The following RBMS3 variants were observed in gnomAD, a reference collection of about 807,000 sequenced individuals.
RBMS3 encodes RNA-binding motif, single-stranded-interacting protein 3.
In RBMS3, 27 loss-of-function variants were observed where a neutral mutation model predicts 66.8. The ratio of observed to expected loss-of-function variants is 0.40; its 90% CI spans 0.30 to 0.56. The LOEUF is 0.56. Among genes scored for constraint, RBMS3 ranks in the 20% least tolerant of loss-of-function variants. RBMS3 has a pLI of 0.40. For synonymous variants in RBMS3, 188 were observed against 183.0 expected, an observed-to-expected ratio of 1.03 and a Z score of -0.22; for missense variants, 513 against 549.5, an observed-to-expected ratio of 0.93 and a Z score of 0.66.
At chr3:29,898,540 A>G (rs1449691907) in intron 9 of RBMS3, among the ~76,000 whole-genome samples, 2 of 151,674 alleles carry the variant, frequency 1.3e-5, no homozygotes, top group Non-Finnish European at 3.0e-5. Flanking sequence ...TTCCCCCCAA[A>G]GCAGATCATT....
intron 3 of RBMS3, among the ~76,000 whole-genome samples, chr3:29,556,138 C>G (rs112386989): frequency 1.3e-5 from 2 of 149,758 alleles, no homozygotes; most frequent in African/African-American, 4.9e-5. Context: ...AAAAAAAAAG[C>G]TTATATCCAG....
intron 3 of RBMS3, among the ~76,000 whole-genome samples, chr3:29,569,334 G>T (rs1576253837): frequency 2.0e-5 from 3 of 151,972 alleles, no homozygotes; most frequent in South Asian, 4.2e-4. Context: ...TGAACCTCCA[G>T]CAATTTAAAG....
intron 2 of RBMS3, among the ~76,000 whole-genome samples, chr3:29,467,970 TC>T (rs1030663776): frequency 3.9e-5 from 6 of 152,200 alleles, no homozygotes; most frequent in African/African-American, 1.4e-4. Flanking sequence ...AGAACTTTTT[TC>T]TTGGTAGAGG....
At chr3:29,684,875 T>C (rs2051649568) in intron 4 of RBMS3, among the ~76,000 whole-genome samples, 2 of 152,184 alleles carry the variant, frequency 1.3e-5, no homozygotes, top group African/African-American at 4.8e-5. Flanking sequence ...TAACATTTTT[T>C]CCCTTTAGTA....
chr3:29,671,826 C>T (rs546493917), intron 4 of RBMS3, among the ~76,000 whole-genome samples: 138 of 152,224 alleles, frequency 9.1e-4, no homozygotes, highest in African/African-American at 2.8e-3. Context: ...CTGAAAGTGA[C>T]GGGGAGAATG....
intron 12 of RBMS3, among the ~76,000 whole-genome samples, chr3:29,957,088 G>A (rs1452592698): frequency 6.6e-6 from 1 of 151,998 alleles, no homozygotes; most frequent in Non-Finnish European, 1.5e-5. Context: ...TGTCTCAAAT[G>A]TTTTCTTCTT....
intron 6 of RBMS3, among the ~76,000 whole-genome samples, chr3:29,799,166 A>G (rs1333007743): frequency 6.6e-6 from 1 of 152,158 alleles, no homozygotes; most frequent in Non-Finnish European, 1.5e-5. Context: ...AAACTAAGCT[A>G]CAAGGTAAGA....
chr3:29,732,245 G>T lies in RBMS3; in HGVS notation c.400-7475G>T, dbSNP rs987820306. Reference sequence around the variant, plus strand: ...CAAGAAGGGCTGATATTTCAGTCACGGTCTGAAGACAGGAAAATGTAATTC... The same window carrying T: ...CAAGAAGGGCTGATATTTCAGTCACTGTCTGAAGACAGGAAAATGTAATTC... On this transcript the variant is annotated intron_variant, in intron 4 of 14. Coordinates refer to ENST00000383767, the MANE Select transcript of RBMS3 (RefSeq NM_001003793.3). Among the ~76,000 whole-genome samples, 7 of 152,132 alleles carry T rather than the reference G, an allele frequency of 4.6e-5. 1 individual carries two copies. In the East Asian group the frequency reaches 1.3e-3, roughly 29 times the overall value.
chr3:29,601,288 A>T (rs2048134368), intron 4 of RBMS3, among the ~76,000 whole-genome samples: 1 of 152,056 alleles, frequency 6.6e-6, no homozygotes, highest in Non-Finnish European at 1.5e-5. Flanking sequence ...CACAGAAACT[A>T]TGAAATTCAT....
intron 3 of RBMS3, among the ~76,000 whole-genome samples, chr3:29,541,864 T>G (rs2045776636): frequency 6.6e-6 from 1 of 152,058 alleles, no homozygotes. Context: ...CTCCTCTGCT[T>G]CAATGCCCCT....
intron 1 of RBMS3, among the ~76,000 whole-genome samples, chr3:29,376,898 C>T (rs925994999): frequency 1.3e-5 from 2 of 151,764 alleles, no homozygotes; most frequent in East Asian, 2.0e-4. Flanking sequence ...AGCGAGACTA[C>T]GTCTCAAACA....
chr3:29,513,252 A>C (rs1012815380), intron 3 of RBMS3, among the ~76,000 whole-genome samples: 2 of 152,100 alleles, frequency 1.3e-5, no homozygotes, highest in Non-Finnish European at 2.9e-5. Context: ...TGAGTTGAAA[A>C]CTGTACTTGT....
intron 12 of RBMS3, among the ~76,000 whole-genome samples, chr3:29,963,004 T>C (rs1024756618): frequency 4.6e-5 from 7 of 152,082 alleles, no homozygotes; most frequent in Non-Finnish European, 8.8e-5. Flanking sequence ...CTGTATCCCC[T>C]GTGCCCTTCA....
chr3:29,870,985 T>C lies in RBMS3; in HGVS notation c.744+2021T>C, dbSNP rs148925452. On this transcript the variant is annotated intron_variant, in intron 7 of 14. Transcript: ENST00000383767. ...GTCTTAGAAGTAAATACCCAAAGAA[T>C]GTTGGATAACTGTGTGCCCATCACT... Among the ~76,000 whole-genome samples, 1,144 of 152,294 alleles carry C rather than the reference T, an allele frequency of 7.5e-3. 9 individuals are homozygous for C. Among genetic ancestry groups the C allele is most frequent in the Middle Eastern group, 0.027 (8 of 294 alleles).
rs138475737 is a variant in RBMS3 at position 29,844,624 on chromosome 3, AAC to A, written c.638-24230_638-24229del. ...GAAATGAATCCCATTAATGGGACTG[AAC>A]ACAGTCTTCAGTGGAAGGTTCAGAT... On this transcript the variant is annotated intron_variant, in intron 6 of 14. Transcript: ENST00000383767. 4.3e-3 allele frequency among the ~76,000 whole-genome samples: 648 copies of A among 152,344 alleles called. 5 individuals carry two copies. Among genetic ancestry groups the A allele is most frequent in the Admixed American group, 5.8e-3 (89 of 15,302 alleles).
chr3:29,984,363 C>T (rs990019680), intron 12 of RBMS3, among the ~76,000 whole-genome samples: 2 of 151,918 alleles, frequency 1.3e-5, no homozygotes, highest in Admixed American at 6.6e-5. Flanking sequence ...GAACATGCTC[C>T]TTTAGCTCAG....
chr3:29,645,411 G>A (rs1375956699), intron 4 of RBMS3, among the ~76,000 whole-genome samples: 3 of 152,192 alleles, frequency 2.0e-5, no homozygotes, highest in Non-Finnish European at 4.4e-5. Flanking sequence ...TCCAAGGAAT[G>A]TCCCAGGACA....
intron 3 of RBMS3, among the ~76,000 whole-genome samples, chr3:29,566,364 C>T (rs2046741694): frequency 6.6e-6 from 1 of 151,966 alleles, no homozygotes; most frequent in African/African-American, 2.4e-5. Context: ...GTGCAAAAGC[C>T]TCAATGTGGC....
At chr3:29,642,493 G>T (rs1449814495) in intron 4 of RBMS3, among the ~76,000 whole-genome samples, 1 of 151,986 alleles carries the variant, frequency 6.6e-6, no homozygotes, top group African/African-American at 2.4e-5. Flanking sequence ...GGTTTCATGT[G>T]TACCACCAAA....
Sources: gnomAD v4.1 joint callset for allele counts (sites outside exome capture counted in the v4.1 genomes callset) on GRCh38, gnomAD v4.1.1 for gene constraint, MANE v1.5 for transcripts, NCBI Gene and HGNC (gene_info 2026-07-23, HGNC 2026-07-21) for gene names.